TTLL7: variants seen among roughly 807,000 people sequenced by gnomAD.
TTLL7 encodes tubulin polyglutamylase TTLL7.
TTLL7 carries 53 observed loss-of-function variants against 120.2 expected under a neutral mutation model. The ratio of observed to expected loss-of-function variants is 0.44; its 90% CI spans 0.35 to 0.55. TTLL7 has a LOEUF of 0.55. TTLL7 is among the 20% of genes least tolerant of loss of function. The pLI is 0.00. For missense variants in TTLL7, 803 were observed against 1,054.7 expected (o/e 0.76, Z 3.31); for synonymous variants, 353 against 351.7 (o/e 1.00, Z -0.04).
chr1:83,986,597 C>G (rs571271160), intron 1 of TTLL7, among the ~76,000 whole-genome samples: 5 of 152,322 alleles, frequency 3.3e-5, no homozygotes, highest in African/African-American at 1.2e-4. Context: ...GTAATCCCAG[C>G]TCTTTGGGAG....
Position 83,865,304 on chromosome 1 carries a change from T to C in TTLL7, c.*4658A>G, listed in dbSNP as rs1036033465. The C allele has an allele frequency of 3.3e-5, 5 of 152,056 alleles. No homozygotes were observed. Among genetic ancestry groups the C allele is most frequent in the African/African-American group, 9.7e-5 (4 of 41,438 alleles). The allele number at this position is 152,056 out of a possible 1,614,324, so 9.4% of individuals were successfully genotyped here. On this transcript the variant is annotated 3_prime_UTR_variant, in exon 21 of 21. Coordinates refer to ENST00000260505, the MANE Select transcript of TTLL7 (RefSeq NM_024686.6). ...CAAAACCATTAATATTCAGATGTTG[T>C]AGCATGTACAGTAGTTATTGTATGA...
At chr1:83,986,296 A>G (rs957080167) in intron 1 of TTLL7, among the ~76,000 whole-genome samples, 2 of 152,216 alleles carry the variant, frequency 1.3e-5, no homozygotes, top group Non-Finnish European at 2.9e-5. Context: ...TATTTCATGT[A>G]TGCAAGGCTG....
intron 1 of TTLL7, among the ~76,000 whole-genome samples, chr1:83,977,275 T>C (rs1453599369): frequency 1.3e-5 from 2 of 151,736 alleles, no homozygotes; most frequent in Admixed American, 1.3e-4. Flanking sequence ...AAAATTAGAG[T>C]AGGATAGAAA....
intron 1 of TTLL7, chr1:83,980,477 C>G (rs1188511278): frequency 6.6e-6 from 1 of 152,156 alleles, no homozygotes; most frequent in Non-Finnish European, 1.5e-5. Flanking sequence ...CCATCTTGGC[C>G]AGGCTTTTCT....
intron 8 of TTLL7, among the ~76,000 whole-genome samples, chr1:83,937,205 ATTT>A (rs71695804): frequency 6.9e-6 from 1 of 144,422 alleles, no homozygotes; most frequent in Non-Finnish European, 1.5e-5. Flanking sequence ...CAGTACGGTA[ATTT>A]TTTTTTTTTT....
At chr1:83,987,040 C>T (rs1652518843) in intron 1 of TTLL7, among the ~76,000 whole-genome samples, 1 of 151,754 alleles carries the variant, frequency 6.6e-6, no homozygotes, top group Admixed American at 6.6e-5. Flanking sequence ...AACACAAGAT[C>T]AACACACAAA....
chr1:83,892,553 T>C lies in TTLL7; in HGVS notation c.2209-2072A>G, dbSNP rs865857313. Among the ~76,000 whole-genome samples, 21 of 72,750 alleles carry C rather than the reference T, an allele frequency of 2.9e-4. 1 individual carries two copies. Among genetic ancestry groups the C allele is most frequent in the African/African-American group, 8.0e-4 (21 of 26,206 alleles). 47.7% of individuals were successfully genotyped at this position (72,750 alleles called of 152,430 possible). The stretch of plus-strand genomic sequence containing the variant: ...ATATGAACATATGAATGAACATATA[T>C]ATGAACATATGAACATATATATGAA... On this transcript the variant is annotated intron_variant, in intron 18 of 20. Coordinates refer to ENST00000260505, the MANE Select transcript of TTLL7 (RefSeq NM_024686.6).
In TTLL7 at chr1:83,865,867, A is replaced by T. The variant is rs896106466; in HGVS notation, c.*4095T>A. 6.6e-6 allele frequency: 1 copy of T among 152,034 alleles called. No individual in the cohort carries two copies. The highest frequency in any genetic ancestry group is 1.5e-5 in the Non-Finnish European group (1 of 67,874). The allele number at this position is 152,034 out of a possible 1,614,324, so 9.4% of individuals were successfully genotyped here. A position where few individuals can be genotyped will look rare whatever the true frequency, so the allele number is the denominator to read the frequency against. On this transcript the variant is annotated 3_prime_UTR_variant, in exon 21 of 21. Coordinates refer to ENST00000260505, the MANE Select transcript of TTLL7 (RefSeq NM_024686.6). ...ACAAAGGTCAAAATTTCACCTTTGA[A>T]CTAAAAAAGAAATAAAGAATAGGCA... is the stretch of plus-strand genomic sequence containing the variant.
intron 14 of TTLL7, among the ~76,000 whole-genome samples, chr1:83,913,370 C>T (rs1253765270): frequency 1.3e-5 from 2 of 152,118 alleles, no homozygotes; most frequent in East Asian, 1.9e-4. Context: ...ACTTTTGCAC[C>T]AACCTAATAC....
Position 83,867,642 on chromosome 1 carries a change from A to G in TTLL7, c.*2320T>C, listed in dbSNP as rs1033511753. The G allele has an allele frequency of 5.3e-5, 8 of 152,074 alleles. No individual in the cohort carries two copies. The East Asian group carries it at 1.5e-3, about 29-fold the overall frequency. The allele number at this position is 152,074 out of a possible 1,614,324, so 9.4% of individuals were successfully genotyped here. A position where few individuals can be genotyped will look rare whatever the true frequency, so the allele number is the denominator to read the frequency against. On this transcript the variant is annotated 3_prime_UTR_variant, in exon 21 of 21. Transcript: ENST00000260505. ...TGCTCTGGTACAAAAGTTGCAAAGC[A>G]CACACTCCAGCAAATTAAGTAATTA... is the stretch of plus-strand genomic sequence containing the variant.
chr1:83,957,976 T>C (rs1299256617), intron 1 of TTLL7, among the ~76,000 whole-genome samples: 1 of 152,196 alleles, frequency 6.6e-6, no homozygotes, highest in African/African-American at 2.4e-5. Flanking sequence ...ACTAAGACAT[T>C]GAGTCCAGTC....
rs1160559569 is a variant in TTLL7, at chr1:83,866,664, CAG to C, written c.*3296_*3297del. The C allele has an allele frequency of 6.6e-6, 1 of 151,882 alleles. No individual in the cohort carries two copies. The highest frequency in any genetic ancestry group is 2.4e-5 in the African/African-American group (1 of 41,436). The allele number at this position is 151,882 out of a possible 1,614,324, so 9.4% of individuals were successfully genotyped here. Reference sequence around the variant, plus strand: ...CAAGGACATTCAACTATGTTCTAGGCAGAGTTACCATTGCCATTTCCATATTT... The same window carrying C: ...CAAGGACATTCAACTATGTTCTAGGCAGTTACCATTGCCATTTCCATATTT... On this transcript the variant is annotated 3_prime_UTR_variant, in exon 21 of 21. Transcript: ENST00000260505.
chr1:83,986,262 G>A (rs1366685267), intron 1 of TTLL7, among the ~76,000 whole-genome samples: 2 of 152,140 alleles, frequency 1.3e-5, no homozygotes, highest in African/African-American at 2.4e-5. Flanking sequence ...GTATAAGTAT[G>A]TGCTGTCATG....
chr1:83,982,816 T>C (rs1652091237), intron 1 of TTLL7, among the ~76,000 whole-genome samples: 1 of 152,116 alleles, frequency 6.6e-6, no homozygotes, highest in South Asian at 2.1e-4. Flanking sequence ...AAAATTCATA[T>C]AGAACCAAAA....
Position 83,865,651 on chromosome 1 carries a change from A to G in TTLL7, c.*4311T>C, listed in dbSNP as rs1652865649. On this transcript the variant is annotated 3_prime_UTR_variant, in exon 21 of 21. Transcript: ENST00000260505. ...TATATCTTGCTTTATATGTATCCAGACAATAAACGCTTTTTTAGGCATAGA... is the reference window on the plus strand; with the variant it reads ...TATATCTTGCTTTATATGTATCCAGGCAATAAACGCTTTTTTAGGCATAGA... The G allele has an allele frequency of 1.3e-5, 2 of 152,016 alleles. No homozygotes were observed. The highest frequency in any genetic ancestry group is 2.4e-5 in the African/African-American group (1 of 41,422). The allele number at this position is 152,016 out of a possible 1,614,324, so 9.4% of individuals were successfully genotyped here. A position where few individuals can be genotyped will look rare whatever the true frequency, so the allele number is the denominator to read the frequency against.
chr1:83,893,229 A>G (rs769813757), intron 18 of TTLL7, among the ~76,000 whole-genome samples: 20 of 152,054 alleles, frequency 1.3e-4, no homozygotes, highest in Non-Finnish European at 2.6e-4. Context: ...ATGAAAGAGT[A>G]TAATGAAATA....
chr1:83,916,651 AG>A (rs1382320679), intron 14 of TTLL7, among the ~76,000 whole-genome samples: 2 of 152,222 alleles, frequency 1.3e-5, no homozygotes, highest in African/African-American at 4.8e-5. Flanking sequence ...TTTAAAAAAA[AG>A]AAAATATGAT....
intron 20 of TTLL7, among the ~76,000 whole-genome samples, chr1:83,873,137 C>T (rs751533841): frequency 4.0e-5 from 6 of 151,710 alleles, no homozygotes; most frequent in East Asian, 1.9e-4. Flanking sequence ...TTATATATGC[C>T]GCAAACCTAA....
rs79930336 is a variant in TTLL7 at position 83,932,676 on chromosome 1, T to C, written c.1047+932A>G. On this transcript the variant is annotated intron_variant, in intron 9 of 20. Coordinates refer to ENST00000260505, the MANE Select transcript of TTLL7 (RefSeq NM_024686.6). ...ACCTACCACTCATTTAATTTGCTTA[T>C]GCAAACCTTGATATTACACACACAA... Among the ~76,000 whole-genome samples the C allele has an allele frequency of 3.3e-5, 5 of 152,108 alleles. No homozygotes were observed. The East Asian group carries it at 9.6e-4, about 29-fold the overall frequency.
Sources: gnomAD v4.1 joint callset for allele counts (sites outside exome capture counted in the v4.1 genomes callset) on GRCh38, gnomAD v4.1.1 for gene constraint, MANE v1.5 for transcripts, NCBI Gene and HGNC (gene_info 2026-07-23, HGNC 2026-07-21) for gene names.